MTERF4: variants seen among roughly 807,000 people sequenced by gnomAD.
MTERF4 encodes the protein mitochondrial transcription termination factor 4.
A neutral mutation model predicts 22.5 loss-of-function variants in MTERF4; 17 were observed. The ratio of observed to expected loss-of-function variants is 0.75; its 90% CI spans 0.52 to 1.13. The LOEUF (loss-of-function observed/expected upper bound fraction) is 1.13. Ranked by LOEUF, MTERF4 falls within the 50% of genes most tolerant of loss-of-function variation. The pLI is 0.00. For missense variants in MTERF4, 420 were observed against 466.8 expected, an observed-to-expected ratio of 0.90 and a Z score of 0.92; for synonymous variants, 165 against 175.3, an observed-to-expected ratio of 0.94 and a Z score of 0.47.
chr2:241,083,923 C>T (rs1001267535), downstream of MTERF4, among the ~76,000 whole-genome samples: 2 of 151,908 alleles, frequency 1.3e-5, no homozygotes, highest in African/African-American at 4.8e-5. Context: ...TCTATTTTTC[C>T]CACCTGCTTT....
the MTERF4 span, chr2:241,052,300 A>G: frequency 4.4e-5 from 66 of 1,493,810 alleles, no homozygotes; most frequent in Non-Finnish European, 5.8e-5. Flanking sequence ...TGCCCCACAC[A>G]GTCCCGAGCC....
At chr2:241,063,956 T>A in the MTERF4 span, 1 of 1,290,346 alleles carries the variant, frequency 7.7e-7, no homozygotes, top group Non-Finnish European at 1.1e-6. Context: ...TGTCCTCTCC[T>A]CCCTCCCCCA....
the MTERF4 span, chr2:241,048,284 T>A: frequency 6.4e-7 from 1 of 1,568,158 alleles, no homozygotes; most frequent in Non-Finnish European, 8.6e-7. Flanking sequence ...ATTCCCTGCG[T>A]GGCCGCTGGT....
chr2:241,071,516 G>T, downstream of MTERF4: 1 of 1,541,220 alleles, frequency 6.5e-7, no homozygotes, highest in Non-Finnish European at 8.7e-7. Flanking sequence ...ATGCCACAGG[G>T]GCAGGGACAG....
At chr2:241,090,451 T>C (rs1186646658), downstream of MTERF4, 2 of 1,536,144 alleles carry the variant, frequency 1.3e-6, no homozygotes, top group Non-Finnish European at 1.8e-6. Flanking sequence ...GAGTACACTC[T>C]AAAATAATGA....
At chr2:241,052,685 GT>G in the MTERF4 span, among the ~76,000 whole-genome samples, 294 of 41,780 alleles carry the variant, frequency 7.0e-3, 7 homozygotes, top group East Asian at 0.05. Flanking sequence ...AGGTGAGAGG[GT>G]CGGCGGGGGG....
Position 241,075,866 on chromosome 2 carries a change from T to A in MTERF4, n.480-184A>T, listed in dbSNP as rs1383022828. Among the ~76,000 whole-genome samples, 2 of 152,170 alleles carry A rather than the reference T, an allele frequency of 1.3e-5. No homozygotes were observed. The highest frequency in any genetic ancestry group is 2.9e-5 in the Non-Finnish European group (2 of 68,026). On this transcript the variant is annotated intron_variant and non_coding_transcript_variant, in intron 4 of 4. Coordinates refer to the MTERF4 transcript ENST00000464344. This position sits in a 1 kb window ranked among gnomAD's most constrained non-coding sequence, Gnocchi z 4.8. Reference sequence around the variant, plus strand: ...ATTAATCTGTTAGACTGTGTGTGTGTGAGAAGTTGGGCTACAATTTCATTT... The same window carrying A: ...ATTAATCTGTTAGACTGTGTGTGTGAGAGAAGTTGGGCTACAATTTCATTT...
At chr2:241,044,252 C>T in the MTERF4 span, among the ~76,000 whole-genome samples, 1 of 152,270 alleles carries the variant, frequency 6.6e-6, no homozygotes, top group East Asian at 1.9e-4. Context: ...AAATAAAAGG[C>T]AAAGATTGTC....
the MTERF4 span, chr2:241,064,024 G>T: frequency 6.4e-7 from 1 of 1,554,750 alleles, no homozygotes; most frequent in Non-Finnish European, 8.7e-7. The surrounding 1 kb of genome is among the most constrained non-coding windows in gnomAD (Gnocchi z 7.0). Flanking sequence ...GTGGACGCCT[G>T]CGACTCCAGC....
At chr2:241,068,041 G>A (rs2062536952), downstream of MTERF4, 1 of 1,187,714 alleles carries the variant, frequency 8.4e-7, no homozygotes, top group East Asian at 2.5e-5. This position sits in a 1 kb window ranked among gnomAD's most constrained non-coding sequence, Gnocchi z 5.3. Flanking sequence ...TTCTCCGTGT[G>A]TGGACTGTAC....
downstream of MTERF4, chr2:241,089,912 A>G (rs1025747424): frequency 3.2e-5 from 49 of 1,528,238 alleles, no homozygotes; most frequent in South Asian, 5.0e-5. Context: ...CACAGTGCCA[A>G]GTGTGTGTGT....
chr2:241,096,455 C>CCATAAAA lies in MTERF4; in HGVS notation c.706-18_706-17insTTTTATG. On this transcript the variant is annotated splice_polypyrimidine_tract_variant and intron_variant, in intron 3 of 3. Coordinates refer to ENST00000391980, the MANE Select transcript of MTERF4 (RefSeq NM_182501.4). This position sits in a 1 kb window ranked among gnomAD's most constrained non-coding sequence, Gnocchi z 5.1. ...GTATGCATACTGGAAGACACAAACACACTTAGGAGTCCCAGATACAGAGTA... is the reference window on the plus strand; with the variant it reads ...GTATGCATACTGGAAGACACAAACACCATAAAAACTTAGGAGTCCCAGATACAGAGTA... 6.2e-7 allele frequency: 1 copy of CCATAAAA among 1,612,560 alleles called. No homozygotes were observed. The highest frequency in any genetic ancestry group is 8.5e-7 in the Non-Finnish European group (1 of 1,178,802).
At chr2:241,065,546 TAAC>T in the MTERF4 span, 10 of 1,612,720 alleles carry the variant, frequency 6.2e-6, no homozygotes, top group East Asian at 2.2e-5. Context: ...AGCGAAACAG[TAAC>T]AACAAGAATG....
chr2:241,099,738 A>T lies in MTERF4; in HGVS notation c.178T>A (p.Ser60Thr). ...GVIEELSCVR[S>T]NNYVQEPECR... The stretch of plus-strand genomic sequence containing the variant: ...TCTGGTTCCTGCACATAGTTATTGG[A>T]TCTAACACAAGATAACTCCTCAATG... Residue 60 changes from serine (S) to threonine (T), a missense_variant, in exon 2 of 4, where the codon TCC (serine) becomes ACC (threonine). By Grantham distance (58) the Ser-to-Thr change is moderately conservative. Coordinates refer to ENST00000391980, the MANE Select transcript of MTERF4 (RefSeq NM_182501.4). The T allele has an allele frequency of 1.9e-6, 3 of 1,614,136 alleles. No homozygotes were observed. The highest frequency in any genetic ancestry group is 2.5e-6 in the Non-Finnish European group (3 of 1,180,016).
chr2:241,059,546 C>CTAAG, the MTERF4 span, among the ~76,000 whole-genome samples: 1 of 152,176 alleles, frequency 6.6e-6, no homozygotes, highest in South Asian at 2.1e-4. Flanking sequence ...CAAAATATTA[C>CTAAG]TAAGTCAAGC....
In MTERF4 at chr2:241,102,269, G is replaced by C; in HGVS notation, c.5C>G (p.Ala2Gly). 1 of 1,549,632 alleles carries C rather than the reference G, an allele frequency of 6.5e-7. No homozygotes were observed. The highest frequency in any genetic ancestry group is 8.7e-7 in the Non-Finnish European group (1 of 1,146,114). M[A>G]AFGRQVLDWH... ...CGAGCTTACCTGACGGCCGAACGCA[G>C]CCATAGCGCGGAGAAGATGGCAGCA... Residue 2 changes from alanine (A) to glycine (G), a missense_variant, in exon 1 of 4, where the codon GCT becomes GGT. Transcript: ENST00000391980.
chr2:241,064,226 G>A, the MTERF4 span: 1 of 776,512 alleles, frequency 1.3e-6, no homozygotes, highest in Non-Finnish European at 2.0e-6. This position sits in a 1 kb window ranked among gnomAD's most constrained non-coding sequence, Gnocchi z 7.0. Context: ...CCCGCCCTCT[G>A]CCCGCCTGCT....
downstream of MTERF4, chr2:241,088,431 C>A (rs913462110): frequency 8.2e-6 from 13 of 1,589,966 alleles, no homozygotes; most frequent in Non-Finnish European, 1.1e-5. Context: ...CGCCCCACTA[C>A]CACAGAGCTG....
chr2:241,070,459 G>A (rs575631840), downstream of MTERF4, among the ~76,000 whole-genome samples: 154 of 152,372 alleles, frequency 1.0e-3, no homozygotes, highest in Middle Eastern at 3.4e-3. Context: ...GGACCCTCCC[G>A]TAGATCCCAG....
Sources: gnomAD v4.1 joint callset for allele counts (sites outside exome capture counted in the v4.1 genomes callset) on GRCh38, gnomAD v4.1.1 for gene constraint, Gnocchi (gnomAD v3.1) non-coding constraint, MANE v1.5 for transcripts, NCBI Gene and HGNC (gene_info 2026-07-23, HGNC 2026-07-21) for gene names.